LTBP2: variants seen among roughly 807,000 people sequenced by gnomAD.
The protein encoded by LTBP2 is latent-transforming growth factor beta-binding protein 2.
Under a neutral mutation model 210.6 loss-of-function variants are expected in LTBP2, and 103 were observed. The ratio of observed to expected loss-of-function variants is 0.49; its 90% CI spans 0.42 to 0.58. The LOEUF (loss-of-function observed/expected upper bound fraction) is 0.58. Among genes scored for constraint, LTBP2 ranks in the 20% least tolerant of loss-of-function variants. The pLI is 0.00. For missense variants in LTBP2, 2,313 were observed against 2,494.5 expected (o/e 0.93, Z 1.55); for synonymous variants, 1,007 against 1,015.0 (o/e 0.99, Z 0.15).
chr14:74,551,144 G>C lies in LTBP2; in HGVS notation c.1606C>G (p.Pro536Ala), dbSNP rs775750284. The C allele has an allele frequency of 1.2e-6, 2 of 1,613,874 alleles. No individual in the cohort carries two copies. The highest frequency in any genetic ancestry group is 1.7e-6 in the Non-Finnish European group (2 of 1,180,002). ...GCTGCTGGGGGCAGTGGCCGAGGGG[G>C]CTCTCCAGACCGAGCAGGGATGTTG... is the stretch of plus-strand genomic sequence containing the variant. ...SNNIPARSGE[P>A]PRPLPPAAPR... The change falls in exon 7 of 36, where the codon CCC becomes GCC. Residue 536 changes from proline to alanine, a missense_variant. Transcript: ENST00000261978.
chr14:74,503,807 T>TGGGC, intron 31 of LTBP2, 119 bp downstream of exon 31: 1 of 1,469,516 alleles, frequency 6.8e-7, no homozygotes, highest in South Asian at 1.2e-5. Flanking sequence ...CCTGCTGCAG[T>TGGGC]GGGCGGCCTC....
At chr14:74,564,369 A>ATATATTTT (rs1232039003) in intron 3 of LTBP2, among the ~76,000 whole-genome samples, 1 of 33,454 alleles carries the variant, frequency 3.0e-5, no homozygotes, top group East Asian at 3.3e-4. Flanking sequence ...ATATATATTT[A>ATATATTTT]TATATATATA....
chr14:74,551,478 T>G, intron 6 of LTBP2, 128 bp from the exon 7 acceptor site: 1 of 919,090 alleles, frequency 1.1e-6, no homozygotes, highest in African/African-American at 1.7e-5. Context: ...AAACTCTCCT[T>G]CCATTTCTTT....
chr14:74,599,129 A>G (rs915610466), intron 2 of LTBP2, among the ~76,000 whole-genome samples: 2 of 152,200 alleles, frequency 1.3e-5, no homozygotes, highest in African/African-American at 4.8e-5. Flanking sequence ...TGTTATGCCC[A>G]TTTTATGGAC....
chr14:74,509,731 TA>T lies in LTBP2; in HGVS notation c.3277+2del. On this transcript the variant is annotated splice_donor_variant, in intron 21 of 35. Coordinates refer to ENST00000261978, the MANE Select transcript of LTBP2 (RefSeq NM_000428.3). LOFTEE classifies it high-confidence loss of function. Reference sequence around the variant, plus strand: ...CCTTCCACCACTGCCTCCCCAGGGTTACCTTCACAGGCAGTGCCGTCTTCAT... The same window carrying T: ...CCTTCCACCACTGCCTCCCCAGGGTTCCTTCACAGGCAGTGCCGTCTTCAT... The T allele has an allele frequency of 6.2e-7, 1 of 1,614,124 alleles. No individual in the cohort carries two copies.
rs148126707 is a variant in LTBP2, at chr14:74,522,853, C to G, written c.2596G>C (p.Asp866His). The G allele has an allele frequency of 1.9e-6, 3 of 1,612,636 alleles. No homozygotes were observed. The Admixed American group carries it at 5.0e-5, about 27-fold the overall frequency. Reference protein sequence around the residue: ...CGPGTCVNLPDGYRCVCSPGY... With the variant: ...CGPGTCVNLPHGYRCVCSPGY... ...GGGCTGCAGACACATCTGTATCCAT[C>G]GGGGAGGTTCACGCAGGTTCCAGGG... is the stretch of plus-strand genomic sequence containing the variant. The change falls in exon 16 of 36, where the codon GAT (aspartate) becomes CAT (histidine). Residue 866 changes from aspartate to histidine, a missense_variant. Asp to His is a moderately conservative substitution (Grantham distance 81). Transcript: ENST00000261978.
intron 3 of LTBP2, among the ~76,000 whole-genome samples, chr14:74,581,905 C>T (rs1010835403): frequency 6.6e-6 from 1 of 152,176 alleles, no homozygotes; most frequent in East Asian, 1.9e-4. Flanking sequence ...TGCTGGAAGC[C>T]ACCACCACAG....
chr14:74,573,789 G>C (rs1242328208), intron 3 of LTBP2, among the ~76,000 whole-genome samples: 2 of 152,172 alleles, frequency 1.3e-5, no homozygotes, highest in African/African-American at 4.8e-5. Context: ...TTGCTATCGA[G>C]TACTGAGCAC....
intron 3 of LTBP2, among the ~76,000 whole-genome samples, chr14:74,565,666 GGAGA>G (rs1481859657): frequency 6.6e-6 from 1 of 152,158 alleles, no homozygotes; most frequent in Non-Finnish European, 1.5e-5. Flanking sequence ...GCAGAACTTG[GGAGA>G]GAGTTTTGGG....
chr14:74,567,697 C>A (rs1376187552), intron 3 of LTBP2, among the ~76,000 whole-genome samples: 1 of 152,164 alleles, frequency 6.6e-6, no homozygotes, highest in Non-Finnish European at 1.5e-5. Flanking sequence ...GGGCCTTACC[C>A]TCTTCATATC....
At chr14:74,509,012 C>A (rs1459088962) in intron 22 of LTBP2, 60 bp from the exon 23 acceptor site, 2 of 1,606,270 alleles carry the variant, frequency 1.2e-6, no homozygotes, top group Non-Finnish European at 8.5e-7. Context: ...GGACAGGAGT[C>A]AAGGGGGAAG....
intron 3 of LTBP2, among the ~76,000 whole-genome samples, chr14:74,584,315 G>A (rs2088175255): frequency 6.6e-6 from 1 of 152,184 alleles, no homozygotes. Flanking sequence ...GAGAGGCAGA[G>A]TGACTTGCCC....
chr14:74,528,610 C>T lies in LTBP2; in HGVS notation c.2241G>A (p.Glu747=). ...GCTCCCTTGGGGGCCTTGCCAGTTC[C>T]TCCTCCTCGGCTTTCCTCATGGACA... is the stretch of plus-strand genomic sequence containing the variant. ...IRLSMRKAEE[E]ELARPPREQG... Residue 747 remains glutamate (E), a synonymous_variant, in exon 12 of 36, where the codon GAG becomes GAA. Transcript: ENST00000261978. The T allele has an allele frequency of 6.2e-7, 1 of 1,613,630 alleles. No homozygotes were observed. Among genetic ancestry groups the T allele is most frequent in the Non-Finnish European group, 8.5e-7 (1 of 1,180,038 alleles).
chr14:74,509,992 G>A, intron 20 of LTBP2, 99 bp downstream of exon 20: 1 of 1,609,950 alleles, frequency 6.2e-7, no homozygotes, highest in Non-Finnish European at 8.5e-7. Context: ...GGGATGCAAG[G>A]CCAGGGGTGG....
intron 25 of LTBP2, 57 bp downstream of exon 25, chr14:74,507,916 A>T: frequency 6.2e-7 from 1 of 1,609,180 alleles, no homozygotes; most frequent in South Asian, 1.1e-5. Flanking sequence ...AGGACCAGGC[A>T]GTGTAGAGAT....
In LTBP2 at chr14:74,505,174, C is replaced by T; in HGVS notation, c.4178G>A (p.Gly1393Asp). The change falls in exon 29 of 36, where the codon GGT becomes GAT. Residue 1393 changes from glycine to aspartate, a missense_variant and splice_region_variant. Transcript: ENST00000261978. ...EGHCRPRGAG[G>D]QSMSEAPTGD... ...CGTTGGGGCCTCAGACATACTCTGA[C>T]CTGTGCGTGACAGATGCTCATTACT... 6.2e-7 allele frequency: 1 copy of T among 1,612,508 alleles called. No homozygotes were observed. Among genetic ancestry groups the T allele is most frequent in the Non-Finnish European group, 8.5e-7 (1 of 1,179,998 alleles).
At chr14:74,558,430 C>T (rs1420737218) in intron 3 of LTBP2, among the ~76,000 whole-genome samples, 2 of 152,178 alleles carry the variant, frequency 1.3e-5, no homozygotes, top group African/African-American at 2.4e-5. Context: ...AAACTCCCTC[C>T]GAGGACTTCC....
chr14:74,516,262 C>G (rs1005457144), intron 18 of LTBP2, among the ~76,000 whole-genome samples: 2 of 152,220 alleles, frequency 1.3e-5, no homozygotes, highest in East Asian at 1.9e-4. Context: ...AGAGCTGGCA[C>G]GAGACAGGCA....
At position 74,612,176 on chromosome 14, in the gene LTBP2, C is replaced by G; in HGVS notation, c.-232G>C. 2.0e-6 allele frequency: 1 copy of G among 501,250 alleles called. No individual in the cohort carries two copies. Among genetic ancestry groups the G allele is most frequent in the Non-Finnish European group, 3.5e-6 (1 of 289,426 alleles). 31.1% of individuals were successfully genotyped at this position (501,250 alleles called of 1,614,324 possible). On this transcript the variant is annotated 5_prime_UTR_variant, in exon 1 of 36. Transcript: ENST00000261978. ...AGCTGGGCTCGCACGGCTGCTGCAC[C>G]TTCGCGCCTCCTCCCTGTGCCTGCA... is the stretch of plus-strand genomic sequence containing the variant.
Sources: gnomAD v4.1 joint callset for allele counts (sites outside exome capture counted in the v4.1 genomes callset) on GRCh38, gnomAD v4.1.1 for gene constraint, MANE v1.5 for transcripts, NCBI Gene and HGNC (gene_info 2026-07-23, HGNC 2026-07-21) for gene names.